MAP4: variants seen among roughly 807,000 people sequenced by gnomAD.
MAP4 encodes microtubule-associated protein 4.
In MAP4, 76 loss-of-function variants were observed where a neutral mutation model predicts 170.2. That is an observed-to-expected ratio of 0.45 (90% CI 0.37 to 0.54). The LOEUF (loss-of-function observed/expected upper bound fraction) is 0.54, where lower values mean the gene tolerates loss of function less well. Among genes scored for constraint, MAP4 ranks in the 20% least tolerant of loss-of-function variants. MAP4 has a pLI of 0.00. For synonymous variants in MAP4, 909 were observed against 994.5 expected, an observed-to-expected ratio of 0.91 and a Z score of 1.62; for missense variants, 2,506 against 2,748.0, an observed-to-expected ratio of 0.91 and a Z score of 1.97.
intron 12 of MAP4, among the ~76,000 whole-genome samples, chr3:47,874,082 A>G (rs1056011263): frequency 1.3e-5 from 2 of 152,230 alleles, no homozygotes; most frequent in Non-Finnish European, 2.9e-5. Context: ...CAGAAGCCTG[A>G]GCTGCAGTCC....
chr3:48,078,853 T>C (rs917011772), intron 1 of MAP4, among the ~76,000 whole-genome samples: 5 of 152,300 alleles, frequency 3.3e-5, no homozygotes, highest in Non-Finnish European at 7.3e-5. Flanking sequence ...GTGAATTATA[T>C]GCTGAGCATC....
chr3:47,862,148 G>A lies in MAP4; in HGVS notation c.6502-4636C>T, dbSNP rs548749269. 1.7e-4 allele frequency among the ~76,000 whole-genome samples: 22 copies of A among 127,498 alleles called. No homozygotes were observed. The East Asian group carries it at 2.5e-3, about 14-fold the overall frequency. The allele number at this position is 127,498 out of a possible 152,430, so 83.6% of individuals were successfully genotyped here. On this transcript the variant is annotated intron_variant, in intron 17 of 20. Coordinates refer to ENST00000683076, the MANE Select transcript of MAP4 (RefSeq NM_001385682.1). ...TGCACTCCAGTCTGGGTGACAGAGC[G>A]AGACTCTGTCTCCAAAAAAAAAAAA...
chr3:47,906,218 A>G (rs562917128), intron 9 of MAP4, among the ~76,000 whole-genome samples: 22 of 152,062 alleles, frequency 1.4e-4, no homozygotes, highest in African/African-American at 5.1e-4. Flanking sequence ...AATATGGAAC[A>G]CCCATCAAAA....
chr3:48,058,503 C>T (rs191741295), intron 1 of MAP4, among the ~76,000 whole-genome samples: 2 of 152,302 alleles, frequency 1.3e-5, no homozygotes, highest in East Asian at 3.9e-4. Flanking sequence ...TCTGGCTGAA[C>T]AGGATTATGT....
At chr3:47,946,558 A>G (rs537010883) in intron 3 of MAP4, among the ~76,000 whole-genome samples, 14 of 147,962 alleles carry the variant, frequency 9.5e-5, no homozygotes, top group Non-Finnish European at 1.5e-4. Context: ...TGAGGCTGAG[A>G]CAGGAGAATC....
chr3:48,027,216 A>G (rs1408658423), intron 1 of MAP4, among the ~76,000 whole-genome samples: 1 of 152,230 alleles, frequency 6.6e-6, no homozygotes, highest in African/African-American at 2.4e-5. Flanking sequence ...AACATGTAAA[A>G]TAAAAAAGAG....
At chr3:47,944,607 C>T (rs1263051509) in intron 3 of MAP4, among the ~76,000 whole-genome samples, 1 of 151,884 alleles carries the variant, frequency 6.6e-6, no homozygotes, top group African/African-American at 2.4e-5. Flanking sequence ...TTCTCCTTTC[C>T]AAGGACAGCA....
At chr3:47,963,648 A>G (rs2100073020) in intron 3 of MAP4, among the ~76,000 whole-genome samples, 1 of 152,220 alleles carries the variant, frequency 6.6e-6, no homozygotes, top group African/African-American at 2.4e-5. Flanking sequence ...AAGATTATTC[A>G]TTCAATAGCT....
intron 1 of MAP4, among the ~76,000 whole-genome samples, chr3:48,046,308 T>G (rs569479198): frequency 7.2e-5 from 11 of 152,338 alleles, no homozygotes; most frequent in African/African-American, 2.6e-4. Context: ...TTGTTACTTA[T>G]GTAGTGACAG....
intron 10 of MAP4, among the ~76,000 whole-genome samples, chr3:47,896,152 T>A (rs2100026712): frequency 6.6e-6 from 1 of 152,014 alleles, no homozygotes; most frequent in African/African-American, 2.4e-5. Context: ...CCGTGAGGAT[T>A]GAGGGAATAT....
At chr3:47,902,068 T>A (rs913976311) in intron 10 of MAP4, among the ~76,000 whole-genome samples, 3 of 152,006 alleles carry the variant, frequency 2.0e-5, no homozygotes, top group African/African-American at 7.3e-5. Flanking sequence ...GCAGGAGGAT[T>A]ACTTGAGCCT....
At chr3:48,049,866 A>G (rs2100126667) in intron 1 of MAP4, among the ~76,000 whole-genome samples, 1 of 150,050 alleles carries the variant, frequency 6.7e-6, no homozygotes, top group Non-Finnish European at 1.5e-5. Context: ...TGAACCCAGG[A>G]GGTGGAGGTT....
chr3:48,012,711 T>C (rs1453738673), intron 1 of MAP4, among the ~76,000 whole-genome samples: 1 of 152,074 alleles, frequency 6.6e-6, no homozygotes, highest in African/African-American at 2.4e-5. Flanking sequence ...ATGTGGTTCA[T>C]GGAATATGAA....
chr3:48,078,978 C>T (rs150545894), intron 1 of MAP4, among the ~76,000 whole-genome samples: 119 of 152,170 alleles, frequency 7.8e-4, no homozygotes, highest in African/African-American at 2.8e-3. Context: ...TGAGACCAGC[C>T]TGGGCAACAT....
chr3:48,024,332 A>T (rs911411289), intron 1 of MAP4, among the ~76,000 whole-genome samples: 1 of 152,024 alleles, frequency 6.6e-6, no homozygotes, highest in Non-Finnish European at 1.5e-5. Context: ...TAAATAAAAA[A>T]ATTTTAAAAA....
intron 3 of MAP4, chr3:47,960,246 T>C (rs2100070776): frequency 5.2e-6 from 1 of 193,796 alleles, no homozygotes; most frequent in South Asian, 1.1e-4. Flanking sequence ...GTTTTTCTTT[T>C]TTCATCTTAT....
chr3:48,023,716 T>C (rs149029695), intron 1 of MAP4, among the ~76,000 whole-genome samples: 1 of 152,352 alleles, frequency 6.6e-6, no homozygotes, highest in African/African-American at 2.4e-5. Flanking sequence ...TTGTTTTTCT[T>C]ATACAAGCAC....
intron 1 of MAP4, among the ~76,000 whole-genome samples, chr3:48,076,731 CAA>C (rs1460975206): frequency 6.6e-6 from 1 of 152,028 alleles, no homozygotes; most frequent in Non-Finnish European, 1.5e-5. Context: ...AAAAAACAAA[CAA>C]AAGAGAAATC....
intron 2 of MAP4, among the ~76,000 whole-genome samples, chr3:47,986,079 T>G (rs1265302224): frequency 6.6e-6 from 1 of 152,134 alleles, no homozygotes; most frequent in Admixed American, 6.5e-5. Context: ...AAGTAAAGGG[T>G]ACATGGTAGG....
Sources: gnomAD v4.1 joint callset for allele counts (sites outside exome capture counted in the v4.1 genomes callset) on GRCh38, gnomAD v4.1.1 for gene constraint, MANE v1.5 for transcripts, NCBI Gene and HGNC (gene_info 2026-07-23, HGNC 2026-07-21) for gene names.